THSD7B: variants seen among roughly 807,000 people sequenced by gnomAD.
THSD7B encodes thrombospondin type 1 domain containing 7B.
A neutral mutation model predicts 213.6 loss-of-function variants in THSD7B; 138 were observed. That is an observed-to-expected ratio of 0.65 (90% CI 0.56 to 0.74). The LOEUF (loss-of-function observed/expected upper bound fraction) is 0.74, where lower values mean the gene tolerates loss of function less well. Among genes scored for constraint, THSD7B ranks in the 30% least tolerant of loss-of-function variants. The pLI, the probability that THSD7B is intolerant of heterozygous loss-of-function variation, is 0.00. For synonymous variants in THSD7B, 742 were observed against 687.0 expected (o/e 1.08, Z -1.25); for missense variants, 1,931 against 1,991.5 (o/e 0.97, Z 0.58).
intron 17 of THSD7B, among the ~76,000 whole-genome samples, chr2:137,584,385 G>T (rs1414074864): frequency 6.6e-6 from 1 of 152,122 alleles, no homozygotes; most frequent in Non-Finnish European, 1.5e-5. Flanking sequence ...GAATACGAGT[G>T]GTGTGAGAGG....
At chr2:137,173,462 C>G (rs1680302680) in intron 7 of THSD7B, among the ~76,000 whole-genome samples, 1 of 152,182 alleles carries the variant, frequency 6.6e-6, no homozygotes, top group Admixed American at 6.5e-5. Flanking sequence ...GCTGAGCCTT[C>G]TACAATCATC....
intron 9 of THSD7B, among the ~76,000 whole-genome samples, chr2:137,233,801 G>A (rs1183047900): frequency 6.6e-6 from 1 of 152,178 alleles, no homozygotes; most frequent in Admixed American, 6.5e-5. Context: ...ACCAAATGAG[G>A]AGATGTATGT....
At chr2:136,891,442 A>G (rs1258155370) in intron 2 of THSD7B, among the ~76,000 whole-genome samples, 1 of 152,216 alleles carries the variant, frequency 6.6e-6, no homozygotes, top group African/African-American at 2.4e-5. Context: ...CAAATAATCT[A>G]TATTTATCAA....
intron 17 of THSD7B, among the ~76,000 whole-genome samples, chr2:137,583,300 C>T (rs955306001): frequency 2.6e-5 from 4 of 152,256 alleles, no homozygotes; most frequent in East Asian, 3.9e-4. Flanking sequence ...CCTGTTCACT[C>T]TGATGGTAGT....
At chr2:137,075,108 A>G (rs931862533) in intron 3 of THSD7B, among the ~76,000 whole-genome samples, 2 of 151,932 alleles carry the variant, frequency 1.3e-5, no homozygotes, top group African/African-American at 4.8e-5. Flanking sequence ...CGTTCTGTGT[A>G]TTTCCTGGAT....
chr2:137,549,275 G>C (rs1680796510), intron 15 of THSD7B, among the ~76,000 whole-genome samples: 1 of 145,688 alleles, frequency 6.9e-6, no homozygotes, highest in Non-Finnish European at 1.5e-5. Context: ...TTTGCTGCCT[G>C]CCAGAAGGCA....
intron 7 of THSD7B, among the ~76,000 whole-genome samples, chr2:137,223,883 AGT>A (rs1227534668): frequency 6.6e-6 from 1 of 152,070 alleles, no homozygotes; most frequent in Non-Finnish European, 1.5e-5. Flanking sequence ...GTTGTTTAAA[AGT>A]GTGCAGTATC....
intron 15 of THSD7B, among the ~76,000 whole-genome samples, chr2:137,499,075 A>G (rs1224140539): frequency 6.6e-6 from 1 of 152,170 alleles, no homozygotes; most frequent in African/African-American, 2.4e-5. Flanking sequence ...CCTGTTCAGA[A>G]CCACCGGAAA....
At chr2:137,566,387 A>C (rs1381826251) in intron 16 of THSD7B, among the ~76,000 whole-genome samples, 2 of 152,180 alleles carry the variant, frequency 1.3e-5, no homozygotes, top group Admixed American at 1.3e-4. Flanking sequence ...AGATAGGAGG[A>C]AATGCTCAAA....
At chr2:137,497,212 GACAC>G (rs58249868) in intron 15 of THSD7B, among the ~76,000 whole-genome samples, 91,406 of 150,190 alleles carry the variant, frequency 0.61, 29,409 homozygotes, top group East Asian at 0.73. Flanking sequence ...CACACACACA[GACAC>G]ACACACACAC....
chr2:136,986,746 T>A (rs1316501778), intron 2 of THSD7B, among the ~76,000 whole-genome samples: 3 of 152,216 alleles, frequency 2.0e-5, no homozygotes, highest in Non-Finnish European at 4.4e-5. Context: ...AGAACATGAA[T>A]TGACAGATAA....
intron 12 of THSD7B, among the ~76,000 whole-genome samples, chr2:137,295,444 T>C (rs1187087140): frequency 1.3e-5 from 2 of 152,140 alleles, no homozygotes; most frequent in African/African-American, 4.8e-5. Flanking sequence ...CAGTCTTACA[T>C]AGAATATTTT....
intron 7 of THSD7B, among the ~76,000 whole-genome samples, chr2:137,205,510 T>G (rs530432409): frequency 6.6e-6 from 1 of 152,200 alleles, no homozygotes; most frequent in East Asian, 1.9e-4. Context: ...TATGTAGTTT[T>G]TGTTCCTTTT....
chr2:136,898,578 CG>C (rs67650038), intron 2 of THSD7B, among the ~76,000 whole-genome samples: 2,155 of 115,894 alleles, frequency 0.019, 81 homozygotes, highest in Non-Finnish European at 0.028. Context: ...CTTGTCCCCC[CG>C]CCCCCCCGCC....
rs1479879979 is a variant in THSD7B, at chr2:136,874,236, T to A, written c.-35-7908T>A. Among the ~76,000 whole-genome samples the A allele has an allele frequency of 4.6e-5, 7 of 152,346 alleles. No individual in the cohort carries two copies. The East Asian group carries it at 1.2e-3, about 25-fold the overall frequency. On this transcript the variant is annotated intron_variant, in intron 1 of 27. Coordinates refer to ENST00000409968, the MANE Select transcript of THSD7B (RefSeq NM_001316349.2). ...GACTATCTTTGGGACTTCAGGTTGT[T>A]GCTTGATGGACCATGCCTCAGTTTT...
intron 2 of THSD7B, among the ~76,000 whole-genome samples, chr2:137,033,125 T>G (rs1197653553): frequency 3.3e-5 from 2 of 60,994 alleles, no homozygotes; most frequent in Non-Finnish European, 6.2e-5. Context: ...TAACAAGTAC[T>G]CTAAAACTCA....
chr2:137,185,029 C>T (rs1680525000), intron 7 of THSD7B, among the ~76,000 whole-genome samples: 1 of 152,028 alleles, frequency 6.6e-6, no homozygotes, highest in Non-Finnish European at 1.5e-5. Context: ...GGTATCACAA[C>T]AAATAGTGGA....
chr2:137,151,681 A>G (rs1264684731), intron 5 of THSD7B, among the ~76,000 whole-genome samples: 1 of 152,230 alleles, frequency 6.6e-6, no homozygotes, highest in African/African-American at 2.4e-5. Flanking sequence ...CAAACCAGTA[A>G]TACAATTATT....
At chr2:136,925,603 T>C (rs967022993) in intron 2 of THSD7B, among the ~76,000 whole-genome samples, 4 of 152,208 alleles carry the variant, frequency 2.6e-5, no homozygotes, top group Non-Finnish European at 5.9e-5. Context: ...TTTACATCAA[T>C]ATTCATTAAG....
Sources: gnomAD v4.1 joint callset for allele counts (sites outside exome capture counted in the v4.1 genomes callset) on GRCh38, gnomAD v4.1.1 for gene constraint, MANE v1.5 for transcripts, NCBI Gene and HGNC (gene_info 2026-07-23, HGNC 2026-07-21) for gene names.